ZSCAN2: variants seen among roughly 807,000 people sequenced by gnomAD.
ZSCAN2 encodes the protein zinc finger and SCAN domain-containing protein 2.
A neutral mutation model predicts 47.8 loss-of-function variants in ZSCAN2; 26 were observed. The observed-to-expected ratio is 0.54, with a 90% CI of 0.40 to 0.75. The LOEUF (loss-of-function observed/expected upper bound fraction) is 0.75, where lower values mean the gene tolerates loss of function less well. ZSCAN2 is among the 30% of genes least tolerant of loss of function. The probability of loss-of-function intolerance (pLI) is 0.00; values close to 1 mark genes in which losing one functional copy is unlikely to be tolerated. For missense variants in ZSCAN2, 732 were observed against 785.4 expected (o/e 0.93, Z 0.81); for synonymous variants, 305 against 288.7 (o/e 1.06, Z -0.57).
At chr15:84,619,020 T>C (rs12438261) in intron 2 of ZSCAN2, among the ~76,000 whole-genome samples, 1 of 152,164 alleles carries the variant, frequency 6.6e-6, no homozygotes, top group African/African-American at 2.4e-5. Context: ...GATTTTACAG[T>C]CCCTCATCTA....
chr15:84,608,851 C>G (rs1248549965), intron 2 of ZSCAN2, among the ~76,000 whole-genome samples: 1 of 152,198 alleles, frequency 6.6e-6, no homozygotes, highest in Non-Finnish European at 1.5e-5. Context: ...CATCAGCTCA[C>G]CTGGGAGTTT....
Position 84,619,935 on chromosome 15 carries a change from T to G in ZSCAN2, c.407-667T>G, listed in dbSNP as rs541099964. Among the ~76,000 whole-genome samples the G allele has an allele frequency of 5.5e-3, 840 of 151,862 alleles. 5 individuals are homozygous for G. Among genetic ancestry groups the G allele is most frequent in the African/African-American group, 0.018 (734 of 41,400 alleles). ...GAAATAAGCCTGGGTTGGTTTTTTT[T>G]TTTTTTTTTTTCCATCAGCTTTTAG... On this transcript the variant is annotated intron_variant, in intron 2 of 2. Transcript: ENST00000546148.
At chr15:84,603,669 G>A (rs1221770116) in intron 1 of ZSCAN2, among the ~76,000 whole-genome samples, 151 bp from the exon 2 acceptor site, 1 of 152,124 alleles carries the variant, frequency 6.6e-6, no homozygotes, top group Non-Finnish European at 1.5e-5. Context: ...GATGTTTTCA[G>A]GAATAAGCCA....
At chr15:84,618,044 A>G (rs1385745144) in intron 2 of ZSCAN2, among the ~76,000 whole-genome samples, 12 of 152,262 alleles carry the variant, frequency 7.9e-5, no homozygotes, top group Admixed American at 5.9e-4. Context: ...TCATGTTCAT[A>G]TGTAAGAGTT....
In ZSCAN2 at chr15:84,621,171, C is replaced by T. The variant is rs1332850959; in HGVS notation, c.976C>T (p.Arg326Cys). 8.7e-6 allele frequency: 14 copies of T among 1,612,908 alleles called. No individual in the cohort carries two copies. Among genetic ancestry groups the T allele is most frequent in the Admixed American group, 3.3e-5 (2 of 59,912 alleles). ...GAGTCCCAACCTCATTGCACATCAGCGCACCCACACAGGAGAGAAACCCTA... is the reference window on the plus strand; with the variant it reads ...GAGTCCCAACCTCATTGCACATCAGTGCACCCACACAGGAGAGAAACCCTA... ...SRSPNLIAHQ[R>C]THTGEKPYSC... is the part of the protein sequence containing the mutation. Residue 326 changes from arginine to cysteine, a missense_variant, in exon 3 of 3, where the codon CGC becomes TGC. Transcript: ENST00000546148. The surrounding 1 kb of genome is among the most constrained non-coding windows in gnomAD (Gnocchi z 5.7).
In ZSCAN2 at chr15:84,621,961, C is replaced by T; in HGVS notation, c.1766C>T (p.Pro589Leu). 6.2e-7 allele frequency: 1 copy of T among 1,614,122 alleles called. No individual in the cohort carries two copies. The highest frequency in any genetic ancestry group is 8.5e-7 in the Non-Finnish European group (1 of 1,180,006). ...IHTGEKPYKC[P>L]ECGKGFSNSS... ...ACTGGGGAGAAGCCCTACAAATGCC[C>T]CGAGTGTGGCAAAGGCTTCAGCAAC... The change falls in exon 3 of 3, where the codon CCC becomes CTC. Residue 589 changes from proline to leucine, a missense_variant. This residue lies in a region of ZSCAN2 where 412 missense variants were observed against 498.0 expected (regional missense o/e 0.83). Coordinates refer to ENST00000546148, the MANE Select transcript of ZSCAN2 (RefSeq NM_181877.4). This position sits in a 1 kb window ranked among gnomAD's most constrained non-coding sequence, Gnocchi z 5.7.
chr15:84,610,046 C>T (rs1895499303), intron 2 of ZSCAN2, among the ~76,000 whole-genome samples: 1 of 152,212 alleles, frequency 6.6e-6, no homozygotes, highest in African/African-American at 2.4e-5. Context: ...GAGGCCAGAG[C>T]TCACGTGGCA....
chr15:84,607,443 C>T (rs1364029234), intron 2 of ZSCAN2, among the ~76,000 whole-genome samples: 4 of 151,984 alleles, frequency 2.6e-5, no homozygotes, highest in Non-Finnish European at 5.9e-5. Context: ...CCCCTGACCC[C>T]CCATGCTCTA....
chr15:84,615,300 T>G (rs1013251888), intron 2 of ZSCAN2, among the ~76,000 whole-genome samples: 3 of 152,090 alleles, frequency 2.0e-5, no homozygotes, highest in Non-Finnish European at 4.4e-5. Context: ...ACTCCAGTTA[T>G]GTTTACTGAT....
intron 2 of ZSCAN2, among the ~76,000 whole-genome samples, chr15:84,612,610 C>T (rs752046765): frequency 2.0e-5 from 3 of 152,128 alleles, no homozygotes; most frequent in Non-Finnish European, 2.9e-5. Context: ...TGTCCGGCGC[C>T]TGTAGTCCCA....
chr15:84,604,103 G>C lies in ZSCAN2; in HGVS notation c.176G>C (p.Ser59Thr). Residue 59 changes from serine to threonine, a missense_variant, in exon 2 of 3, where the codon AGT becomes ACT. Physicochemically the swap from Ser to Thr is moderately conservative, Grantham distance 58 (BLOSUM62 1). Transcript: ENST00000546148. ...DGPESEPFPQSAGKGGPQEEV... is the reference protein window; with the variant it reads ...DGPESEPFPQTAGKGGPQEEV... ...CCTGAGTCTGAGCCCTTTCCCCAGA[G>C]TGCTGGCAAGGGCGGCCCCCAGGAG... 1 of 1,614,172 alleles carries C rather than the reference G, an allele frequency of 6.2e-7. No homozygotes were observed. The highest frequency in any genetic ancestry group is 1.3e-5 in the African/African-American group (1 of 75,070).
At chr15:84,608,099 T>C (rs1436395983) in intron 2 of ZSCAN2, among the ~76,000 whole-genome samples, 1 of 152,212 alleles carries the variant, frequency 6.6e-6, no homozygotes, top group African/African-American at 2.4e-5. Context: ...TGTAAAATCC[T>C]AGAAGACAAG....
chr15:84,606,736 G>A (rs1339600951), intron 2 of ZSCAN2: 11 of 1,403,240 alleles, frequency 7.8e-6, no homozygotes, highest in Admixed American at 3.2e-5. Flanking sequence ...CTTGCAGCAG[G>A]GGCTTTGTGC....
At chr15:84,618,007 T>A (rs1314986436) in intron 2 of ZSCAN2, among the ~76,000 whole-genome samples, 1 of 152,258 alleles carries the variant, frequency 6.6e-6, no homozygotes, top group East Asian at 1.9e-4. Context: ...GCCCAGGTCC[T>A]GCCTGAGAGG....
In ZSCAN2 at chr15:84,604,039, G is replaced by C; in HGVS notation, c.112G>C (p.Asp38His). ...EEVTTMILED[D>H]SWVQEAVLQE... ...GGTCACCACCATGATCCTGGAGGAT[G>C]ACTCCTGGGTGCAAGAAGCTGTGCT... Residue 38 changes from aspartate (D) to histidine (H), a missense_variant, in exon 2 of 3, where the codon GAC becomes CAC. By Grantham distance (81) the Asp-to-His change is moderately conservative. Transcript: ENST00000546148. 2 of 1,614,128 alleles carry C rather than the reference G, an allele frequency of 1.2e-6. No homozygotes were observed. Among genetic ancestry groups the C allele is most frequent in the Non-Finnish European group, 1.7e-6 (2 of 1,180,028 alleles).
rs755662939 is a variant in ZSCAN2 at position 84,620,616 on chromosome 15, A to G, written c.421A>G (p.Ser141Gly). 3.1e-6 allele frequency: 5 copies of G among 1,600,962 alleles called. No homozygotes were observed. Among genetic ancestry groups the G allele is most frequent in the Admixed American group, 1.7e-5 (1 of 59,672 alleles). ...TLQDSDFEIQ[S>G]ENGENCNQDM... is the part of the protein sequence containing the mutation. ...CATTGTTTCAGATTTTGAGATACAGAGTGAAAATGGGGAGAACTGTAATCA... is the reference window on the plus strand; with the variant it reads ...CATTGTTTCAGATTTTGAGATACAGGGTGAAAATGGGGAGAACTGTAATCA... The change falls in exon 3 of 3, where the codon AGT becomes GGT. Residue 141 changes from serine to glycine, a missense_variant. Physicochemically the swap from Ser to Gly is moderately conservative, Grantham distance 56. This residue lies in a region of ZSCAN2 where 320 missense variants were observed against 287.4 expected (regional missense o/e 1.11). Coordinates refer to ENST00000546148, the MANE Select transcript of ZSCAN2 (RefSeq NM_181877.4).
At chr15:84,612,652 G>A (rs1475147936) in intron 2 of ZSCAN2, among the ~76,000 whole-genome samples, 2 of 151,996 alleles carry the variant, frequency 1.3e-5, no homozygotes, top group Admixed American at 6.6e-5. Context: ...GGAGAATGGC[G>A]TGAACCCGGT....
chr15:84,605,443 G>T (rs934184023), intron 2 of ZSCAN2, among the ~76,000 whole-genome samples: 16 of 152,230 alleles, frequency 1.1e-4, no homozygotes. Context: ...GGTTGTAGAA[G>T]GGAGTAGGGT....
At chr15:84,616,021 G>T (rs1322212182) in intron 2 of ZSCAN2, among the ~76,000 whole-genome samples, 1 of 152,070 alleles carries the variant, frequency 6.6e-6, no homozygotes, top group African/African-American at 2.4e-5. Context: ...ATCATTTGAG[G>T]TCAGGAGTTC....
Sources: allele counts gnomAD v4.1 joint callset (sites outside exome capture counted in the v4.1 genomes callset), GRCh38; gene constraint gnomAD v4.1.1; regional missense constraint gnomAD v4.1.1; non-coding constraint Gnocchi (gnomAD v3.1); transcripts MANE v1.5; gene names NCBI Gene and HGNC (gene_info 2026-07-23, HGNC 2026-07-21).